CYP39A1: variants seen among roughly 807,000 people sequenced by gnomAD.
The protein encoded by CYP39A1 is 24-hydroxycholesterol 7-alpha-hydroxylase.
In CYP39A1, 49 loss-of-function variants were observed where a neutral mutation model predicts 58.1. That is an observed-to-expected ratio of 0.84 (90% confidence interval 0.67 to 1.07). The LOEUF is 1.07. CYP39A1 is among the 50% of genes least tolerant of loss of function. The probability of loss-of-function intolerance (pLI) is 0.00; values close to 1 mark genes in which losing one functional copy is unlikely to be tolerated. For missense variants in CYP39A1, 531 were observed against 539.4 expected (o/e 0.98, Z 0.16); for synonymous variants, 209 against 187.6 (o/e 1.11, Z -0.93).
At chr6:46,551,249 C>T (rs1025992793) in intron 11 of CYP39A1, among the ~76,000 whole-genome samples, 17 of 151,352 alleles carry the variant, frequency 1.1e-4, no homozygotes, top group Admixed American at 2.0e-4. Flanking sequence ...CAGGGTTCCA[C>T]GAACCCACTG....
At chr6:46,602,616 C>T (rs962789023) in intron 7 of CYP39A1, among the ~76,000 whole-genome samples, 5 of 145,940 alleles carry the variant, frequency 3.4e-5, no homozygotes, top group Non-Finnish European at 7.4e-5. Context: ...AGTTCAAGAC[C>T]AGCCTGACCA....
chr6:46,638,470 C>A (rs1481490063), intron 3 of CYP39A1, among the ~76,000 whole-genome samples: 3 of 151,966 alleles, frequency 2.0e-5, no homozygotes, highest in African/African-American at 7.3e-5. Flanking sequence ...ATAAGTTTTA[C>A]CATTAAGAGA....
intron 7 of CYP39A1, among the ~76,000 whole-genome samples, chr6:46,620,511 A>G (rs1774889732): frequency 6.6e-6 from 1 of 152,174 alleles, no homozygotes; most frequent in Non-Finnish European, 1.5e-5. Context: ...CAAGATGAAA[A>G]TGAAAGGCTA....
chr6:46,636,474 G>T lies in CYP39A1; in HGVS notation c.647C>A (p.Ser216Ter), dbSNP rs1290124871. The T allele has an allele frequency of 6.2e-7, 1 of 1,603,734 alleles. No homozygotes were observed. The highest frequency in any genetic ancestry group is 1.1e-5 in the South Asian group (1 of 88,400). Residue 216 changes from serine (S) to a stop codon, truncating the protein, a stop_gained, in exon 5 of 12, where the codon TCA becomes TAA. Transcript: ENST00000275016. LOFTEE classifies it high-confidence loss of function. ...TTCCAGGAACCACTTTTTGGATTTT[G>T]ACCAGTTTCTACATGAGAAAAAATA... is the stretch of plus-strand genomic sequence containing the variant. ...QLPECLLRNW[S>*]KSKKWFLELF...
chr6:46,612,377 T>C (rs1184240304), intron 7 of CYP39A1, among the ~76,000 whole-genome samples: 2 of 152,246 alleles, frequency 1.3e-5, no homozygotes, highest in Non-Finnish European at 2.9e-5. Flanking sequence ...GACATCATCC[T>C]GATCTTCAAG....
chr6:46,613,884 T>A (rs1394108126), intron 7 of CYP39A1, among the ~76,000 whole-genome samples: 2 of 149,994 alleles, frequency 1.3e-5, no homozygotes, highest in Non-Finnish European at 3.0e-5. Context: ...AATTAATCTT[T>A]TACAATCTGG....
chr6:46,595,439 A>T (rs752344010), intron 8 of CYP39A1, among the ~76,000 whole-genome samples: 9 of 152,104 alleles, frequency 5.9e-5, no homozygotes, highest in Non-Finnish European at 2.9e-5. Context: ...TTGTGACAAC[A>T]TGAATGAAAC....
intron 7 of CYP39A1, among the ~76,000 whole-genome samples, chr6:46,618,614 T>A (rs375097942): frequency 6.6e-6 from 1 of 152,158 alleles, no homozygotes; most frequent in Non-Finnish European, 1.5e-5. Flanking sequence ...TTACCATTCA[T>A]ACGGATTACT....
At chr6:46,634,285 C>T (rs1775830818) in intron 5 of CYP39A1, among the ~76,000 whole-genome samples, 2 of 152,146 alleles carry the variant, frequency 1.3e-5, no homozygotes, top group Non-Finnish European at 2.9e-5. Flanking sequence ...TTACTTGATC[C>T]TCCTTGCCTT....
At chr6:46,619,351 T>C (rs2150563710) in intron 7 of CYP39A1, among the ~76,000 whole-genome samples, 1 of 152,312 alleles carries the variant, frequency 6.6e-6, no homozygotes, top group South Asian at 2.1e-4. Context: ...TTTTAAGTTC[T>C]AGGCAGCTAG....
At chr6:46,646,438 A>G (rs920147993) in intron 1 of CYP39A1, among the ~76,000 whole-genome samples, 4 of 152,074 alleles carry the variant, frequency 2.6e-5, no homozygotes, top group African/African-American at 9.7e-5. Context: ...TCACTCGGTA[A>G]TTCTTTTCAT....
intron 1 of CYP39A1, among the ~76,000 whole-genome samples, chr6:46,650,111 TACACACACAC>T (rs3085603): frequency 0.011 from 1,634 of 147,040 alleles, 17 homozygotes; most frequent in Non-Finnish European, 0.017. Flanking sequence ...TTACTACATT[TACACACACAC>T]ACACACACAC....
intron 1 of CYP39A1, among the ~76,000 whole-genome samples, chr6:46,650,111 T>TACACAC (rs3085603): frequency 0.016 from 2,425 of 147,022 alleles, 47 homozygotes; most frequent in African/African-American, 0.057. Context: ...TTACTACATT[T>TACACAC]ACACACACAC....
chr6:46,609,369 T>G (rs1774062701), intron 7 of CYP39A1, among the ~76,000 whole-genome samples: 1 of 144,022 alleles, frequency 6.9e-6, no homozygotes, highest in Non-Finnish European at 1.5e-5. Context: ...CGCCACTGAG[T>G]CCGCGCCACT....
At chr6:46,565,414 G>GA (rs1419298064) in intron 10 of CYP39A1, among the ~76,000 whole-genome samples, 15 of 149,770 alleles carry the variant, frequency 1.0e-4, no homozygotes, top group South Asian at 4.2e-4. Context: ...ATTAAATATA[G>GA]AAAAAAAAGA....
intron 10 of CYP39A1, chr6:46,583,616 C>T: frequency 1.0e-6 from 1 of 983,736 alleles, no homozygotes; most frequent in Non-Finnish European, 1.2e-6. Flanking sequence ...AATCACCAGA[C>T]TTCTCCAGTA....
Position 46,570,618 on chromosome 6 carries a change from G to T in CYP39A1, c.1250+16459C>A, listed in dbSNP as rs570160747. On this transcript the variant is annotated intron_variant, in intron 10 of 11. Coordinates refer to ENST00000275016, the MANE Select transcript of CYP39A1 (RefSeq NM_016593.5). ...TATTTGGCTCATGGTTCTGCAGGCTGTACATGAAGCATAGTGCCAGTATCT... is the reference window on the plus strand; with the variant it reads ...TATTTGGCTCATGGTTCTGCAGGCTTTACATGAAGCATAGTGCCAGTATCT... Among the ~76,000 whole-genome samples the T allele has an allele frequency of 7.9e-5, 12 of 152,272 alleles. No homozygotes were observed. The South Asian group carries it at 2.3e-3, about 29-fold the overall frequency.
Position 46,625,527 on chromosome 6 carries a change from T to C in CYP39A1, c.841-19A>G, listed in dbSNP as rs1162323929. On this transcript the variant is annotated intron_variant, in intron 6 of 11. Coordinates refer to ENST00000275016, the MANE Select transcript of CYP39A1 (RefSeq NM_016593.5). ...ATGCAACCTTAAAAAGAAAAACATA[T>C]ATCAAAAATATGAACTTCTTTGAAG... 3 of 1,563,536 alleles carry C rather than the reference T, an allele frequency of 1.9e-6. No homozygotes were observed. Among genetic ancestry groups the C allele is most frequent in the Non-Finnish European group, 2.6e-6 (3 of 1,139,528 alleles).
intron 1 of CYP39A1, 50 bp downstream of exon 1, chr6:46,652,356 A>C (rs1762750286): frequency 6.5e-7 from 1 of 1,532,680 alleles, no homozygotes. Context: ...GAAAGTTTAA[A>C]AAAGAAAGCA....
Sources: gnomAD v4.1 joint callset for allele counts (sites outside exome capture counted in the v4.1 genomes callset) on GRCh38, gnomAD v4.1.1 for gene constraint, MANE v1.5 for transcripts, NCBI Gene and HGNC (gene_info 2026-07-23, HGNC 2026-07-21) for gene names.